The following PLD5 variants were observed in gnomAD, a reference collection of about 807,000 sequenced individuals.
PLD5 encodes the protein phospholipase D family member 5.
In PLD5, 36 loss-of-function variants were observed where a neutral mutation model predicts 61.1. That is an observed-to-expected ratio of 0.59 (90% CI 0.45 to 0.78). The LOEUF is 0.78. Ranked by LOEUF, PLD5 falls within the 30% of genes least tolerant of loss-of-function variation. PLD5 has a pLI of 0.00. For synonymous variants in PLD5, 243 were observed against 242.8 expected (o/e 1.00, Z -0.01); for missense variants, 515 against 644.4 (o/e 0.80, Z 2.17).
At chr1:242,167,700 G>A (rs1666430288) in intron 5 of PLD5, among the ~76,000 whole-genome samples, 1 of 152,158 alleles carries the variant, frequency 6.6e-6, no homozygotes, top group South Asian at 2.1e-4. Context: ...TTACAGAAGA[G>A]GCAATAAGGC....
Position 242,276,660 on chromosome 1 carries a change from G to A in PLD5, c.496-11212C>T, listed in dbSNP as rs1336308528. 5.3e-5 allele frequency among the ~76,000 whole-genome samples: 8 copies of A among 151,360 alleles called. No homozygotes were observed. In the East Asian group the frequency reaches 1.6e-3, roughly 30 times the overall value. On this transcript the variant is annotated intron_variant, in intron 3 of 9. Coordinates refer to ENST00000536534, the MANE Select transcript of PLD5 (RefSeq NM_001372062.1). ...ATAGCGGCCGCTTCATCTCTTCACA[G>A]ATGTCCCAATGGATCAATCAGAGCT...
intron 4 of PLD5, among the ~76,000 whole-genome samples, chr1:242,246,866 T>G (rs772943645): frequency 6.6e-6 from 1 of 152,144 alleles, no homozygotes; most frequent in African/African-American, 2.4e-5. Flanking sequence ...GAGACAGGAA[T>G]TGTGGTGAAA....
chr1:242,437,184 C>A (rs1480919760), intron 1 of PLD5, among the ~76,000 whole-genome samples: 2 of 152,168 alleles, frequency 1.3e-5, no homozygotes, highest in Non-Finnish European at 2.9e-5. Context: ...TTAGCTGGCA[C>A]TGGAGGGATA....
chr1:242,125,719 T>TA (rs1315537561), intron 5 of PLD5, among the ~76,000 whole-genome samples: 3 of 152,160 alleles, frequency 2.0e-5, no homozygotes, highest in Non-Finnish European at 4.4e-5. Context: ...ACTCCCTTTT[T>TA]ATCCCTTCCT....
intron 4 of PLD5, among the ~76,000 whole-genome samples, chr1:242,258,835 C>T (rs1673226219): frequency 6.6e-6 from 1 of 152,176 alleles, no homozygotes; most frequent in Non-Finnish European, 1.5e-5. Flanking sequence ...GGGTGGAAAG[C>T]ATGGGCATCA....
At chr1:242,332,956 C>A (rs1659276850) in intron 2 of PLD5, among the ~76,000 whole-genome samples, 1 of 152,144 alleles carries the variant, frequency 6.6e-6, no homozygotes, top group Non-Finnish European at 1.5e-5. Flanking sequence ...GTGAACGGAG[C>A]ACATCTCCTG....
intron 3 of PLD5, among the ~76,000 whole-genome samples, chr1:242,273,020 T>C (rs1367306484): frequency 1.3e-5 from 2 of 152,164 alleles, no homozygotes; most frequent in Non-Finnish European, 2.9e-5. Context: ...CAACCCATCA[T>C]CTGGGTTTTA....
At chr1:242,200,058 T>C (rs896099463) in intron 5 of PLD5, among the ~76,000 whole-genome samples, 4 of 152,140 alleles carry the variant, frequency 2.6e-5, no homozygotes, top group African/African-American at 9.7e-5. Context: ...GATGAACCAT[T>C]CTCTAAAATG....
At chr1:242,237,160 A>T (rs1163745186) in intron 4 of PLD5, among the ~76,000 whole-genome samples, 2 of 152,166 alleles carry the variant, frequency 1.3e-5, no homozygotes, top group African/African-American at 4.8e-5. Flanking sequence ...CACCAAAGGA[A>T]AAAACAAACA....
chr1:242,479,269 A>G (rs1285362021), intron 1 of PLD5, among the ~76,000 whole-genome samples: 1 of 152,254 alleles, frequency 6.6e-6, no homozygotes, highest in African/African-American at 2.4e-5. Flanking sequence ...ATAACATGAT[A>G]GACTCTGAAG....
upstream of PLD5, among the ~76,000 whole-genome samples, chr1:242,526,376 G>T (rs540644476): frequency 6.6e-6 from 1 of 152,138 alleles, no homozygotes; most frequent in Non-Finnish European, 1.5e-5. Flanking sequence ...AGACCCTGTC[G>T]GAGGTGAGGC....
chr1:242,393,879 G>A (rs1490545637), intron 1 of PLD5, among the ~76,000 whole-genome samples: 2 of 146,460 alleles, frequency 1.4e-5, no homozygotes, highest in Non-Finnish European at 3.0e-5. Flanking sequence ...GGCCAACATG[G>A]TGAAACCCCG....
At chr1:242,305,124 AT>A (rs1208590363) in intron 2 of PLD5, among the ~76,000 whole-genome samples, 4 of 152,080 alleles carry the variant, frequency 2.6e-5, no homozygotes, top group Admixed American at 2.0e-4. Context: ...AAATAAAATA[AT>A]TGTGACTTAA....
At chr1:242,364,861 CA>C (rs1229862466) in intron 1 of PLD5, among the ~76,000 whole-genome samples, 1 of 150,936 alleles carries the variant, frequency 6.6e-6, no homozygotes, top group African/African-American at 2.4e-5. Context: ...GAGCAGAATT[CA>C]ATAAAAGAGA....
intron 8 of PLD5, among the ~76,000 whole-genome samples, chr1:242,107,353 A>C (rs773883712): frequency 1.3e-5 from 2 of 152,140 alleles, no homozygotes; most frequent in Non-Finnish European, 2.9e-5. Context: ...TCAAGGCTGC[A>C]GTGAGCCGGG....
At chr1:242,305,764 G>A (rs1574702082) in intron 2 of PLD5, among the ~76,000 whole-genome samples, 1 of 152,202 alleles carries the variant, frequency 6.6e-6, no homozygotes, top group Non-Finnish European at 1.5e-5. Flanking sequence ...GTTTCACCAT[G>A]TTGGCCAGGA....
chr1:242,437,138 T>C (rs1303886509), intron 1 of PLD5, among the ~76,000 whole-genome samples: 1 of 152,186 alleles, frequency 6.6e-6, no homozygotes, highest in Non-Finnish European at 1.5e-5. Context: ...GTAAGAACTC[T>C]ACTGTTTCAA....
rs192606765 is a variant in PLD5, at chr1:242,213,818, T to C, written c.735+6170A>G. Among the ~76,000 whole-genome samples, 4 of 150,624 alleles carry C rather than the reference T, an allele frequency of 2.7e-5. No individual in the cohort carries two copies. In the Admixed American group the frequency reaches 2.7e-4, roughly 10 times the overall value. On this transcript the variant is annotated intron_variant, in intron 5 of 9. Transcript: ENST00000536534. ...CCCACCAAACACTCCCCTGGAGGGTTAGTAGGACAGATGACCCCCCAGCAC... is the reference window on the plus strand; with the variant it reads ...CCCACCAAACACTCCCCTGGAGGGTCAGTAGGACAGATGACCCCCCAGCAC...
rs370727844 is a variant in PLD5, at chr1:242,250,961, G to C, written c.607+14376C>G. Among the ~76,000 whole-genome samples the C allele has an allele frequency of 7.2e-5, 11 of 152,282 alleles. No homozygotes were observed. The East Asian group carries it at 1.9e-3, about 27-fold the overall frequency. On this transcript the variant is annotated intron_variant, in intron 4 of 9. Coordinates refer to ENST00000536534, the MANE Select transcript of PLD5 (RefSeq NM_001372062.1). ...GACTGATTTGATTTTGAAGGTTGGA[G>C]GAGGAGAAGGAAATCAAGGTTAGCT...
Sources: gnomAD v4.1 joint callset for allele counts (sites outside exome capture counted in the v4.1 genomes callset) on GRCh38, gnomAD v4.1.1 for gene constraint, MANE v1.5 for transcripts, NCBI Gene and HGNC (gene_info 2026-07-23, HGNC 2026-07-21) for gene names.